The following MACROD2 variants were observed in gnomAD, a reference collection of about 807,000 sequenced individuals.
MACROD2 encodes the protein mono-ADP ribosylhydrolase 2.
MACROD2 carries 36 observed loss-of-function variants against 70.4 expected under a neutral mutation model. The observed-to-expected ratio is 0.51, with a 90% CI of 0.39 to 0.68. The LOEUF (loss-of-function observed/expected upper bound fraction) is 0.68, where lower values mean the gene tolerates loss of function less well. MACROD2 is among the 30% of genes least tolerant of loss of function. The pLI is 0.00. For synonymous variants in MACROD2, 172 were observed against 178.8 expected (o/e 0.96, Z 0.30); for missense variants, 496 against 538.4 (o/e 0.92, Z 0.78).
intron 8 of MACROD2, among the ~76,000 whole-genome samples, chr20:15,623,173 G>A (rs2049152211): frequency 1.3e-5 from 2 of 152,126 alleles, no homozygotes; most frequent in Admixed American, 6.6e-5. Context: ...CATATGACTT[G>A]CACCTGTCTG....
At chr20:15,988,209 A>G (rs2147472974) in intron 15 of MACROD2, among the ~76,000 whole-genome samples, 1 of 152,264 alleles carries the variant, frequency 6.6e-6, no homozygotes, top group South Asian at 2.1e-4. Context: ...GCTATTGCAA[A>G]TCCTAGTTCA....
chr20:16,026,479 C>T (rs1199470450), intron 15 of MACROD2, among the ~76,000 whole-genome samples: 8 of 152,134 alleles, frequency 5.3e-5, no homozygotes, highest in Admixed American at 4.6e-4. Flanking sequence ...TACAGTTGAC[C>T]AGGCAGGCCT....
chr20:15,502,897 G>C (rs767026748), intron 8 of MACROD2, among the ~76,000 whole-genome samples: 18 of 152,210 alleles, frequency 1.2e-4, no homozygotes, highest in Non-Finnish European at 2.2e-4. Flanking sequence ...ACTTTACCAT[G>C]TGAAATATCA....
chr20:15,200,615 G>C (rs1247238541), intron 5 of MACROD2, among the ~76,000 whole-genome samples: 1 of 152,146 alleles, frequency 6.6e-6, no homozygotes, highest in Non-Finnish European at 1.5e-5. Flanking sequence ...AATCATTACA[G>C]TTTATTTAAA....
intron 3 of MACROD2, among the ~76,000 whole-genome samples, chr20:14,090,775 G>A (rs1391517451): frequency 1.3e-5 from 2 of 152,154 alleles, no homozygotes; most frequent in Non-Finnish European, 2.9e-5. Context: ...TGGATACCTA[G>A]AAGTAGAATC....
intron 5 of MACROD2, among the ~76,000 whole-genome samples, chr20:15,219,082 A>G (rs1263413239): frequency 1.3e-5 from 2 of 152,228 alleles, no homozygotes; most frequent in Non-Finnish European, 2.9e-5. Context: ...TAAAAGTGAA[A>G]TTGGTGACAT....
chr20:15,785,629 G>A (rs1337557471), intron 8 of MACROD2, among the ~76,000 whole-genome samples: 1 of 152,164 alleles, frequency 6.6e-6, no homozygotes, highest in Non-Finnish European at 1.5e-5. Context: ...GTGAAGGGGT[G>A]TCAAGGAGTG....
chr20:14,091,739 TAATG>T (rs1026836834), intron 3 of MACROD2, among the ~76,000 whole-genome samples: 4 of 152,216 alleles, frequency 2.6e-5, no homozygotes, highest in Non-Finnish European at 5.9e-5. Flanking sequence ...ATTAATGAAT[TAATG>T]AATTTATTTA....
intron 6 of MACROD2, among the ~76,000 whole-genome samples, chr20:15,370,669 C>T (rs1389523029): frequency 2.0e-5 from 3 of 151,916 alleles, no homozygotes; most frequent in Non-Finnish European, 4.4e-5. Context: ...AAGACTGAGA[C>T]TAGAATGAAA....
intron 3 of MACROD2, among the ~76,000 whole-genome samples, chr20:14,222,732 C>T (rs551362833): frequency 6.8e-6 from 1 of 147,556 alleles, no homozygotes; most frequent in South Asian, 2.1e-4. Context: ...TTAGATGCTA[C>T]TTTCTGACTT....
At chr20:15,357,906 A>G (rs1211369624) in intron 6 of MACROD2, among the ~76,000 whole-genome samples, 1 of 149,808 alleles carries the variant, frequency 6.7e-6, no homozygotes, top group African/African-American at 2.5e-5. Flanking sequence ...TCCCGGGTTC[A>G]TGCCATTCTC....
intron 10 of MACROD2, among the ~76,000 whole-genome samples, chr20:15,902,946 A>G (rs927535106): frequency 1.3e-5 from 2 of 152,022 alleles, no homozygotes; most frequent in Non-Finnish European, 1.5e-5. Flanking sequence ...TGGTGGGGGA[A>G]ATTAGGAGAC....
intron 5 of MACROD2, among the ~76,000 whole-genome samples, chr20:14,959,857 C>T (rs914043785): frequency 2.6e-5 from 4 of 152,162 alleles, no homozygotes; most frequent in African/African-American, 9.7e-5. Flanking sequence ...TAAAAGGCCA[C>T]GACTTTAGAA....
intron 3 of MACROD2, chr20:14,329,082 G>A (rs942603271): frequency 1.3e-5 from 2 of 151,978 alleles, no homozygotes; most frequent in African/African-American, 4.8e-5. Context: ...TCCCATCCAG[G>A]ATTATCCAAG....
chr20:14,872,818 A>C lies in MACROD2; in HGVS notation c.418+187859A>C, dbSNP rs185953802. Among the ~76,000 whole-genome samples the C allele has an allele frequency of 3.3e-5, 5 of 152,312 alleles. No homozygotes were observed. In the East Asian group the frequency reaches 9.6e-4, roughly 29 times the overall value. On this transcript the variant is annotated intron_variant, in intron 5 of 17. Transcript: ENST00000684519. Reference sequence around the variant, plus strand: ...AAGGAAAGGGGTTTAACTGACTCACAGTTCAGTATGGCTGGGGAGGCCTCA... The same window carrying C: ...AAGGAAAGGGGTTTAACTGACTCACCGTTCAGTATGGCTGGGGAGGCCTCA...
At chr20:16,006,797 T>C (rs574109004) in intron 15 of MACROD2, among the ~76,000 whole-genome samples, 3 of 152,314 alleles carry the variant, frequency 2.0e-5, no homozygotes, top group South Asian at 2.1e-4. Flanking sequence ...TTACCAAGAC[T>C]TGGGTAAAAG....
rs575322817 is a variant in MACROD2, at chr20:15,361,115, T to C, written c.541-70290T>C. Among the ~76,000 whole-genome samples the C allele has an allele frequency of 3.3e-4, 50 of 152,294 alleles. No homozygotes were observed. The Middle Eastern group carries it at 0.014, about 41-fold the overall frequency. On this transcript the variant is annotated intron_variant, in intron 6 of 17. Transcript: ENST00000684519. The stretch of plus-strand genomic sequence containing the variant: ...TTTACAGATCATGCTTTTGCTGTCA[T>C]GTCTAAGAACTTTTCACAAGCTCTA...
At chr20:15,594,213 TTCTC>T (rs1349486263) in intron 8 of MACROD2, among the ~76,000 whole-genome samples, 4 of 152,160 alleles carry the variant, frequency 2.6e-5, no homozygotes. Context: ...TCTCATCCTT[TTCTC>T]TCTTTTTTCC....
chr20:15,161,609 T>G (rs191962536), intron 5 of MACROD2, among the ~76,000 whole-genome samples: 1 of 152,026 alleles, frequency 6.6e-6, no homozygotes, highest in African/African-American at 2.4e-5. Context: ...AAAAATCCAG[T>G]AAATTACGAT....
Sources: allele counts gnomAD v4.1 joint callset (sites outside exome capture counted in the v4.1 genomes callset), GRCh38; gene constraint gnomAD v4.1.1; transcripts MANE v1.5; gene names NCBI Gene and HGNC (gene_info 2026-07-23, HGNC 2026-07-21).